The following SPEF2 variants were observed in gnomAD, a reference collection of about 807,000 sequenced individuals.
SPEF2 encodes the protein sperm flagella and cilia-associated protein 2.
A neutral mutation model predicts 224.6 loss-of-function variants in SPEF2; 187 were observed. That is an observed-to-expected ratio of 0.83 (90% confidence interval 0.74 to 0.94). The LOEUF is 0.94. Among genes scored for constraint, SPEF2 ranks in the 40% least tolerant of loss-of-function variants. The pLI is 0.00. For missense variants in SPEF2, 2,170 were observed against 2,135.6 expected (o/e 1.02, Z -0.32); for synonymous variants, 715 against 707.3 (o/e 1.01, Z -0.17).
intron 30 of SPEF2, among the ~76,000 whole-genome samples, chr5:35,784,365 C>T (rs1243780185): frequency 6.6e-6 from 1 of 152,066 alleles, no homozygotes; most frequent in Non-Finnish European, 1.5e-5. Flanking sequence ...CCTGACCTCG[C>T]GATCCGCCCG....
intron 20 of SPEF2, among the ~76,000 whole-genome samples, chr5:35,719,393 A>T (rs1381190582): frequency 6.6e-6 from 1 of 152,212 alleles, no homozygotes; most frequent in Non-Finnish European, 1.5e-5. Flanking sequence ...TTTTAGTCTT[A>T]TACTTGGCCT....
rs182351669 is a variant in SPEF2 at position 35,711,422 on chromosome 5, G to T, written c.2840-1390G>T. 3.9e-5 allele frequency among the ~76,000 whole-genome samples: 6 copies of T among 151,926 alleles called. No individual in the cohort carries two copies. In the East Asian group the frequency reaches 1.2e-3, roughly 29 times the overall value. On this transcript the variant is annotated intron_variant, in intron 19 of 36. Coordinates refer to ENST00000356031, the MANE Select transcript of SPEF2 (RefSeq NM_024867.4). ...TTTTATATCTCCTTCCATTATACTT[G>T]GGATTAAATTTGAAAAACTCCATAG...
chr5:35,685,236 A>G (rs891626718), intron 10 of SPEF2, among the ~76,000 whole-genome samples: 1 of 152,178 alleles, frequency 6.6e-6, no homozygotes, highest in African/African-American at 2.4e-5. Context: ...TAACTACATT[A>G]CACCAATTTT....
At chr5:35,652,926 A>G (rs1445104760) in intron 6 of SPEF2, among the ~76,000 whole-genome samples, 1 of 152,172 alleles carries the variant, frequency 6.6e-6, no homozygotes, top group African/African-American at 2.4e-5. Flanking sequence ...TGTAAACCAA[A>G]TATATTAATT....
At chr5:35,744,694 G>A (rs191424866) in intron 23 of SPEF2, among the ~76,000 whole-genome samples, 2 of 152,242 alleles carry the variant, frequency 1.3e-5, no homozygotes, top group Admixed American at 6.5e-5. Context: ...GGAGGCCTCA[G>A]TGAGCCAAGA....
chr5:35,681,154 T>C (rs1312004834), intron 10 of SPEF2, among the ~76,000 whole-genome samples: 1 of 152,212 alleles, frequency 6.6e-6, no homozygotes, highest in African/African-American at 2.4e-5. Context: ...TCTTGCATTT[T>C]GAATAATAAT....
At chr5:35,744,755 AAAAC>A (rs927308184) in intron 23 of SPEF2, among the ~76,000 whole-genome samples, 22 of 152,266 alleles carry the variant, frequency 1.4e-4, no homozygotes, top group East Asian at 5.8e-4. Context: ...CTCTGTCTAA[AAAAC>A]AAACAAACAA....
intron 1 of SPEF2, among the ~76,000 whole-genome samples, chr5:35,621,552 A>G (rs1220407527): frequency 6.6e-6 from 1 of 152,190 alleles, no homozygotes; most frequent in African/African-American, 2.4e-5. Context: ...AGCTCTTTTT[A>G]TAAGGATTAT....
intron 5 of SPEF2, among the ~76,000 whole-genome samples, chr5:35,647,190 T>C (rs1312274971): frequency 2.0e-5 from 3 of 151,962 alleles, no homozygotes; most frequent in African/African-American, 4.8e-5. Context: ...GAAAAAGAGG[T>C]TTATGTCACT....
In SPEF2 at chr5:35,814,552, G is replaced by A. The variant is rs1348681789; in HGVS notation, c.5468G>A (p.Ter1823=). 1 of 1,583,070 alleles carries A rather than the reference G, an allele frequency of 6.3e-7. No homozygotes were observed. The highest frequency in any genetic ancestry group is 1.4e-5 in the African/African-American group (1 of 73,664). Residue 1823 remains the stop codon, a stop_retained_variant, in exon 37 of 37, where the codon TGA becomes TAA. Coordinates refer to ENST00000356031, the MANE Select transcript of SPEF2 (RefSeq NM_024867.4). ...TCAAGACATACAGAGGAAAAGAAAT[G>A]AAGACAAAAGAGTGTGATTTTTTTA... The part of the protein sequence containing the change: ...SPSRHTEEKK[*]
At chr5:35,678,997 C>T (rs1026630358) in intron 10 of SPEF2, among the ~76,000 whole-genome samples, 1 of 152,164 alleles carries the variant, frequency 6.6e-6, no homozygotes, top group African/African-American at 2.4e-5. Context: ...CAGACTTCGT[C>T]AGGGTTTGGG....
rs1747422560 is a variant in SPEF2 at position 35,646,738 on chromosome 5, A to T, written c.657A>T (p.Lys219Asn). The change falls in exon 5 of 37, where the codon AAA (lysine) becomes AAT (asparagine). Residue 219 changes from lysine to asparagine, a missense_variant. By Grantham distance (94) the Lys-to-Asn change is moderately conservative (BLOSUM62 0). Coordinates refer to ENST00000356031, the MANE Select transcript of SPEF2 (RefSeq NM_024867.4). ...KIQAAIIQIP[K>N]PASNRTLKAL... is the part of the protein sequence containing the mutation. ...AAGCAGCTATTATACAGATTCCTAA[A>T]CCTGCATCAAATCGTACTTTGAAAG... 6.2e-7 allele frequency: 1 copy of T among 1,613,874 alleles called. No homozygotes were observed. The highest frequency in any genetic ancestry group is 1.3e-5 in the African/African-American group (1 of 74,930).
rs1236044555 is a variant in SPEF2, at chr5:35,753,525, G to C, written c.3331-99G>C. On this transcript the variant is annotated intron_variant, in intron 23 of 36. Transcript: ENST00000356031. ...GCAATTGGTGTAAAATTTCTTTAGAGACATTTTTAAGAGAGGCAAAGGATT... is the reference window on the plus strand; with the variant it reads ...GCAATTGGTGTAAAATTTCTTTAGACACATTTTTAAGAGAGGCAAAGGATT... 4 of 1,532,970 alleles carry C rather than the reference G, an allele frequency of 2.6e-6. No individual in the cohort carries two copies. In the African/African-American group the frequency reaches 5.5e-5, roughly 21 times the overall value. 95.0% of individuals were successfully genotyped at this position (1,532,970 alleles called of 1,614,324 possible). A position where few individuals can be genotyped will look rare whatever the true frequency, so the allele number is the denominator to read the frequency against.
chr5:35,781,772 A>G (rs1457061747), intron 30 of SPEF2: 1 of 152,226 alleles, frequency 6.6e-6, no homozygotes, highest in Non-Finnish European at 1.5e-5. Flanking sequence ...ATTTGAAAAA[A>G]TATATATTGC....
intron 10 of SPEF2, among the ~76,000 whole-genome samples, chr5:35,688,112 A>T (rs920256851): frequency 3.3e-5 from 5 of 152,224 alleles, no homozygotes; most frequent in Non-Finnish European, 5.9e-5. Context: ...ATCATAGCAA[A>T]GTCTGACAAG....
chr5:35,812,367 T>A (rs530642726), intron 36 of SPEF2, among the ~76,000 whole-genome samples: 160 of 152,320 alleles, frequency 1.1e-3, no homozygotes, highest in African/African-American at 3.7e-3. Flanking sequence ...AGATTTTGCG[T>A]TGGACATTAT....
intron 21 of SPEF2, among the ~76,000 whole-genome samples, chr5:35,729,138 G>A (rs1745185459): frequency 6.6e-6 from 1 of 152,106 alleles, no homozygotes; most frequent in Non-Finnish European, 1.5e-5. Context: ...AGATCTTCCA[G>A]CATTCGGGAT....
rs79487218 is a variant in SPEF2, at chr5:35,753,661, G to C, written c.3368G>C (p.Arg1123Pro). ...CGCCTGTGGGACATTTGTGATGCCC[G>C]GAAGGAAGAGGCGGAGCAGGAGCGG... ...RDRLWDICDA[R>P]KEEAEQERLD... The change falls in exon 24 of 37, where the codon CGG becomes CCG. Residue 1123 changes from arginine (R) to proline (P), a missense_variant. Transcript: ENST00000356031. 26 of 1,614,050 alleles carry C rather than the reference G, an allele frequency of 1.6e-5. No homozygotes were observed. Among genetic ancestry groups the C allele is most frequent in the Non-Finnish European group, 2.1e-5 (25 of 1,180,026 alleles).
intron 4 of SPEF2, among the ~76,000 whole-genome samples, chr5:35,645,803 T>C (rs1199706938): frequency 6.6e-6 from 1 of 152,188 alleles, no homozygotes; most frequent in African/African-American, 2.4e-5. Flanking sequence ...AGACTCTGTG[T>C]CTTCCTGGTC....
Sources: gnomAD v4.1 joint callset for allele counts (sites outside exome capture counted in the v4.1 genomes callset) on GRCh38, gnomAD v4.1.1 for gene constraint, MANE v1.5 for transcripts, NCBI Gene and HGNC (gene_info 2026-07-23, HGNC 2026-07-21) for gene names.